NARS2: variants seen among roughly 807,000 people sequenced by gnomAD.
NARS2 encodes the protein asparaginyl-tRNA synthetase 2, mitochondrial.
NARS2 carries 60 observed loss-of-function variants against 62.9 expected under a neutral mutation model. The observed-to-expected ratio is 0.95, with a 90% CI of 0.77 to 1.18. The LOEUF is 1.18. NARS2 is among the 50% of genes most tolerant of loss of function. NARS2 has a pLI of 0.00. For synonymous variants in NARS2, 196 were observed against 200.0 expected (o/e 0.98, Z 0.17); for missense variants, 619 against 576.4 (o/e 1.07, Z -0.76).
chr11:78,457,198 G>A (rs534912520), intron 11 of NARS2, among the ~76,000 whole-genome samples: 10 of 152,286 alleles, frequency 6.6e-5, no homozygotes, highest in Admixed American at 3.9e-4. Flanking sequence ...TGGGGAGAAA[G>A]GAAGATAAAT....
chr11:78,521,528 C>T (rs1021934396), intron 6 of NARS2, among the ~76,000 whole-genome samples: 2 of 151,960 alleles, frequency 1.3e-5, no homozygotes, highest in Non-Finnish European at 2.9e-5. Context: ...CGGTGGCTCA[C>T]GCCTGTAATC....
intron 11 of NARS2, among the ~76,000 whole-genome samples, chr11:78,447,759 T>C (rs1162315517): frequency 6.6e-6 from 1 of 152,008 alleles, no homozygotes; most frequent in African/African-American, 2.4e-5. Context: ...GAAAGACAAA[T>C]ACCACATAAT....
chr11:78,449,048 C>T (rs1203512009), intron 11 of NARS2, among the ~76,000 whole-genome samples: 1 of 150,014 alleles, frequency 6.7e-6, no homozygotes, highest in Non-Finnish European at 1.5e-5. Flanking sequence ...TTCTCTCTGG[C>T]TTTTATTTAT....
At chr11:78,501,183 A>C (rs1443917789) in intron 6 of NARS2, among the ~76,000 whole-genome samples, 1 of 152,246 alleles carries the variant, frequency 6.6e-6, no homozygotes, top group Non-Finnish European at 1.5e-5. Flanking sequence ...ATTTTTTCCC[A>C]AAACAAAAAA....
intron 7 of NARS2, among the ~76,000 whole-genome samples, chr11:78,488,904 A>G (rs1194846777): frequency 6.6e-6 from 1 of 152,168 alleles, no homozygotes; most frequent in Non-Finnish European, 1.5e-5. Flanking sequence ...ATCCAGAGGT[A>G]GAAAGGAAAG....
At chr11:78,477,579 T>G (rs755266582) in intron 9 of NARS2, among the ~76,000 whole-genome samples, 1 of 152,240 alleles carries the variant, frequency 6.6e-6, no homozygotes, top group South Asian at 2.1e-4. Flanking sequence ...TCAACTTGGC[T>G]GCGCCATGGT....
At chr11:78,436,865 T>C (rs765294731) in intron 13 of NARS2, 51 bp from the exon 14 acceptor site, 31 of 1,536,816 alleles carry the variant, frequency 2.0e-5, no homozygotes, top group Non-Finnish European at 2.6e-5. Context: ...TAAGACCAGA[T>C]GTTATGATTA....
intron 5 of NARS2, among the ~76,000 whole-genome samples, chr11:78,549,952 G>A (rs1482521055): frequency 2.0e-5 from 3 of 152,046 alleles, no homozygotes; most frequent in Non-Finnish European, 4.4e-5. Context: ...GTCTTTTAAG[G>A]CAAAAGACTT....
At chr11:78,518,921 G>A (rs148166274) in intron 6 of NARS2, among the ~76,000 whole-genome samples, 3 of 152,258 alleles carry the variant, frequency 2.0e-5, no homozygotes, top group African/African-American at 4.8e-5. Context: ...GTAGAAAGTC[G>A]TTATTTCAGT....
intron 6 of NARS2, among the ~76,000 whole-genome samples, chr11:78,522,688 T>A (rs1286812310): frequency 6.6e-6 from 1 of 152,222 alleles, no homozygotes; most frequent in Non-Finnish European, 1.5e-5. Flanking sequence ...ATAAAAATGT[T>A]TTGCAATTAT....
chr11:78,568,726 T>A lies in NARS2; in HGVS notation c.278A>T (p.Glu93Val). Residue 93 changes from glutamate to valine, a missense_variant, in exon 3 of 14, where the codon GAA becomes GTA. By Grantham distance (121) the Glu-to-Val change is moderately radical. Transcript: ENST00000281038. ...ACTTTTTATCAGCTGCCCTTGTACT[T>A]CCACAGAACTCCCAAAATTTAATTC... ...SRELNFGSSV[E>V]VQGQLIKSPS... is the part of the protein sequence containing the mutation. 6.2e-7 allele frequency: 1 copy of A among 1,609,972 alleles called. No individual in the cohort carries two copies. The highest frequency in any genetic ancestry group is 8.5e-7 in the Non-Finnish European group (1 of 1,177,130).
intron 6 of NARS2, among the ~76,000 whole-genome samples, chr11:78,514,490 A>G (rs886195140): frequency 6.6e-6 from 1 of 152,240 alleles, no homozygotes; most frequent in Non-Finnish European, 1.5e-5. Flanking sequence ...ACTTGCTTTT[A>G]GAGAATATCA....
chr11:78,471,041 C>T (rs755381378), intron 9 of NARS2, among the ~76,000 whole-genome samples: 1 of 151,972 alleles, frequency 6.6e-6, no homozygotes, highest in African/African-American at 2.4e-5. Context: ...TCATACAGTA[C>T]AATAAAGCCC....
chr11:78,504,731 G>A (rs1860423306), intron 6 of NARS2, among the ~76,000 whole-genome samples: 1 of 152,006 alleles, frequency 6.6e-6, no homozygotes, highest in Non-Finnish European at 1.5e-5. Flanking sequence ...AGCCTATGAG[G>A]CATTTCTATT....
At chr11:78,509,834 AAAAAAAAAGAAAAG>A (rs924981783) in intron 6 of NARS2, among the ~76,000 whole-genome samples, 1 of 151,216 alleles carries the variant, frequency 6.6e-6, no homozygotes, top group African/African-American at 2.4e-5. Flanking sequence ...CTCAAAAAAA[AAAAAAAAAGAAAAG>A]AAAAGAAAAG....
intron 11 of NARS2, among the ~76,000 whole-genome samples, chr11:78,447,045 CA>C (rs145933087): frequency 0.2 from 28,923 of 144,444 alleles, 3,274 homozygotes; most frequent in East Asian, 0.42. Flanking sequence ...AGACATTTCT[CA>C]AAAAAAAAAC....
intron 10 of NARS2, 61 bp from the exon 11 acceptor site, chr11:78,466,074 A>C: frequency 6.7e-7 from 1 of 1,500,934 alleles, no homozygotes; most frequent in Non-Finnish European, 8.9e-7. Flanking sequence ...ACAATTAAGC[A>C]GCTGAAAATA....
Position 78,574,623 on chromosome 11 carries a change from G to C in NARS2, c.-135C>G. On this transcript the variant is annotated 5_prime_UTR_variant, in exon 1 of 14. Transcript: ENST00000281038. ...CTCTAAGGCACTCCAGAGCCCCTCGGCTGCGCGCTTTCTCCTTCAGGACTC... is the reference window on the plus strand; with the variant it reads ...CTCTAAGGCACTCCAGAGCCCCTCGCCTGCGCGCTTTCTCCTTCAGGACTC... 1 of 979,318 alleles carries C rather than the reference G, an allele frequency of 1.0e-6. No homozygotes were observed. The highest frequency in any genetic ancestry group is 1.5e-6 in the Non-Finnish European group (1 of 684,412). The allele number at this position is 979,318 out of a possible 1,614,324, so 60.7% of individuals were successfully genotyped here. A position where few individuals can be genotyped will look rare whatever the true frequency, so the allele number is the denominator to read the frequency against.
intron 6 of NARS2, among the ~76,000 whole-genome samples, chr11:78,515,789 C>T (rs1860888097): frequency 6.6e-6 from 1 of 152,148 alleles, no homozygotes; most frequent in African/African-American, 2.4e-5. Context: ...CTCCCAAAGC[C>T]CTGAGATTAC....
Sources: allele counts gnomAD v4.1 joint callset (sites outside exome capture counted in the v4.1 genomes callset), GRCh38; gene constraint gnomAD v4.1.1; transcripts MANE v1.5; gene names NCBI Gene and HGNC (gene_info 2026-07-23, HGNC 2026-07-21).